The following DNAJB12 variants were observed in gnomAD, a reference collection of about 807,000 sequenced individuals.
DNAJB12 encodes the protein dnaJ homolog subfamily B member 12.
Under a neutral mutation model 40.6 loss-of-function variants are expected in DNAJB12, and 14 were observed. That is an observed-to-expected ratio of 0.34 (90% confidence interval 0.23 to 0.54). The LOEUF (loss-of-function observed/expected upper bound fraction) is 0.54, where lower values mean the gene tolerates loss of function less well. DNAJB12 is among the 20% of genes least tolerant of loss of function. The probability of loss-of-function intolerance (pLI) is 0.92; values close to 1 mark genes in which losing one functional copy is unlikely to be tolerated. For missense variants in DNAJB12, 444 were observed against 501.7 expected (o/e 0.89, Z 1.10); for synonymous variants, 181 against 199.5 (o/e 0.91, Z 0.78).
At chr10:72,337,343 C>T (rs970526377) in intron 6 of DNAJB12, among the ~76,000 whole-genome samples, 1 of 152,238 alleles carries the variant, frequency 6.6e-6, no homozygotes, top group Non-Finnish European at 1.5e-5. Context: ...CCCCTGCTGG[C>T]TGAGAAGGGT....
intron 8 of DNAJB12, 69 bp from the exon 9 acceptor site, chr10:72,334,686 C>T (rs968532404): frequency 6.7e-7 from 1 of 1,491,020 alleles, no homozygotes; most frequent in African/African-American, 1.4e-5. Context: ...TTATGCCACA[C>T]AAGTAGCCCC....
At position 72,354,914 on chromosome 10, in the gene DNAJB12, G is replaced by A. The variant is rs1262715106; in HGVS notation, c.-17C>T. On this transcript the variant is annotated 5_prime_UTR_variant, in exon 1 of 9. Transcript: ENST00000444643. The stretch of plus-strand genomic sequence containing the variant: ...GGATTCCATGGCGGAACCAGAACGC[G>A]GAACCAGGGAGGGGGAGGCCGGGCG... 1 of 1,613,706 alleles carries A rather than the reference G, an allele frequency of 6.2e-7. No individual in the cohort carries two copies. Among genetic ancestry groups the A allele is most frequent in the Admixed American group, 1.7e-5 (1 of 60,000 alleles).
rs969679484 is a variant in DNAJB12, at chr10:72,334,508, G to A, written c.*140C>T. The stretch of plus-strand genomic sequence containing the variant: ...GAGAGAGGGCAGCTGTGCAGCGTTC[G>A]GCCTCCAATTCCATTTTAATTTTGT... On this transcript the variant is annotated 3_prime_UTR_variant, in exon 9 of 9. Coordinates refer to ENST00000444643, the MANE Select transcript of DNAJB12 (RefSeq NM_017626.7). 1.5e-5 allele frequency: 22 copies of A among 1,475,622 alleles called. No individual in the cohort carries two copies. The highest frequency in any genetic ancestry group is 1.7e-5 in the Non-Finnish European group (19 of 1,092,394). The allele number at this position is 1,475,622 out of a possible 1,614,324, so 91.4% of individuals were successfully genotyped here. A position where few individuals can be genotyped will look rare whatever the true frequency, so the allele number is the denominator to read the frequency against.
chr10:72,338,556 C>CA lies in DNAJB12; in HGVS notation c.724-246_724-245insT, dbSNP rs111959499. ...GTCTGCATTTACTTTTGACAGAATG[C>CA]CAAAAAAAAAAAAAAATCAGCAAAA... On this transcript the variant is annotated intron_variant, in intron 5 of 8. Transcript: ENST00000444643. Among the ~76,000 whole-genome samples, 365 of 138,884 alleles carry CA rather than the reference C, an allele frequency of 2.6e-3. 1 individual carries two copies. The highest frequency in any genetic ancestry group is 0.01 in the African/African-American group (339 of 33,192). The allele number at this position is 138,884 out of a possible 152,430, so 91.1% of individuals were successfully genotyped here.
chr10:72,354,821 C>T lies in DNAJB12; in HGVS notation c.77G>A (p.Arg26Gln). The T allele has an allele frequency of 8.7e-6, 14 of 1,613,998 alleles. No homozygotes were observed. The highest frequency in any genetic ancestry group is 1.1e-5 in the Non-Finnish European group (13 of 1,179,902). The stretch of plus-strand genomic sequence containing the variant: ...TGCCTTCTCCAGGAAGCGGAGCGCC[C>T]GGTCGGGCTGGTTGCTCTGGATGGC... ...LKAIQSNQPDRALRFLEKAQR... is the reference protein window; with the variant it reads ...LKAIQSNQPDQALRFLEKAQR... The change falls in exon 1 of 9, where the codon CGG becomes CAG. Residue 26 changes from arginine to glutamine, a missense_variant. By Grantham distance (43) the Arg-to-Gln change is conservative. Coordinates refer to ENST00000444643, the MANE Select transcript of DNAJB12 (RefSeq NM_017626.7).
rs762165455 is a variant in DNAJB12 at position 72,335,980 on chromosome 10, C to T, written c.1007-49G>A. On this transcript the variant is annotated intron_variant, in intron 7 of 8. Transcript: ENST00000444643. This position sits in a 1 kb window ranked among gnomAD's most constrained non-coding sequence, Gnocchi z 4.4. Reference sequence around the variant, plus strand: ...AGTGCACACCCAGTACCTCCCGAAGCCTGCAAGGAAGCCTGCGAGGGCTGT... The same window carrying T: ...AGTGCACACCCAGTACCTCCCGAAGTCTGCAAGGAAGCCTGCGAGGGCTGT... 2 of 1,605,898 alleles carry T rather than the reference C, an allele frequency of 1.2e-6. No individual in the cohort carries two copies. The highest frequency in any genetic ancestry group is 2.2e-5 in the South Asian group (2 of 90,412).
intron 2 of DNAJB12, among the ~76,000 whole-genome samples, chr10:72,344,272 GA>G (rs1861721351): frequency 6.6e-6 from 1 of 152,234 alleles, no homozygotes; most frequent in Non-Finnish European, 1.5e-5. Flanking sequence ...GTGAAGTACA[GA>G]TCTCGCCTAC....
chr10:72,336,839 T>G (rs962190452), intron 6 of DNAJB12, 143 bp from the exon 7 acceptor site: 2 of 621,876 alleles, frequency 3.2e-6, no homozygotes, highest in African/African-American at 3.7e-5. Context: ...ACCCGCACAC[T>G]CCCTGAAAGG....
intron 1 of DNAJB12, among the ~76,000 whole-genome samples, chr10:72,350,589 TAC>T (rs1861911784): frequency 6.6e-6 from 1 of 152,082 alleles, no homozygotes; most frequent in African/African-American, 2.4e-5. Flanking sequence ...CCAGCAAATA[TAC>T]AGTGTTGTCT....
chr10:72,345,746 G>T (rs1465913242), intron 1 of DNAJB12, among the ~76,000 whole-genome samples: 1 of 151,356 alleles, frequency 6.6e-6, no homozygotes. Context: ...AAGACATTTA[G>T]CTGGAGATAG....
intron 6 of DNAJB12, among the ~76,000 whole-genome samples, chr10:72,337,809 G>A (rs148697559): frequency 3.2e-4 from 48 of 152,256 alleles, no homozygotes; most frequent in Non-Finnish European, 6.0e-4. Flanking sequence ...GTTGGCAGGG[G>A]AGATGGGCAG....
Position 72,335,145 on chromosome 10 carries a change from A to C in DNAJB12, c.*31-528T>G. The stretch of plus-strand genomic sequence containing the variant: ...TGTGGCTTCCAGGCTGCCAGGTGTG[A>C]CGGCATTCGAGAGAGTGCCTCAGAT... On this transcript the variant is annotated intron_variant, in intron 8 of 8. Coordinates refer to ENST00000444643, the MANE Select transcript of DNAJB12 (RefSeq NM_017626.7). This position sits in a 1 kb window ranked among gnomAD's most constrained non-coding sequence, Gnocchi z 4.4. The C allele has an allele frequency of 1.0e-6, 1 of 988,424 alleles. No homozygotes were observed. Among genetic ancestry groups the C allele is most frequent in the Non-Finnish European group, 1.2e-6 (1 of 831,474 alleles). The allele number at this position is 988,424 out of a possible 1,614,324, so 61.2% of individuals were successfully genotyped here.
chr10:72,345,078 G>C lies in DNAJB12; in HGVS notation c.183C>G (p.Pro61=). 1 of 1,614,128 alleles carries C rather than the reference G, an allele frequency of 6.2e-7. No homozygotes were observed. The highest frequency in any genetic ancestry group is 8.5e-7 in the Non-Finnish European group (1 of 1,179,998). ...TGGCATGGGTTGTGTCTGTGGGTGG[G>C]GGTTGGTCACCGGCAGTCTGTGGTT... The part of the protein sequence containing the change: ...NQKPQTAGDQ[P]PPTDTTHATH... The change falls in exon 2 of 9, where the codon CCC becomes CCG. Residue 61 remains proline, a synonymous_variant. Coordinates refer to ENST00000444643, the MANE Select transcript of DNAJB12 (RefSeq NM_017626.7).
intron 6 of DNAJB12, 138 bp from the exon 7 acceptor site, chr10:72,336,834 C>CAGATCT: frequency 1.5e-6 from 1 of 663,314 alleles, no homozygotes; most frequent in Non-Finnish European, 2.5e-6. Flanking sequence ...CAGGGACCCG[C>CAGATCT]ACACTCCCTG....
At chr10:72,338,130 G>C in intron 6 of DNAJB12, 72 bp downstream of exon 6, 1 of 1,313,672 alleles carries the variant, frequency 7.6e-7, no homozygotes, top group South Asian at 1.2e-5. Context: ...GGATGGGAAA[G>C]AAGGCCCCTG....
chr10:72,346,970 T>C (rs1423264456), intron 1 of DNAJB12, among the ~76,000 whole-genome samples: 3 of 151,956 alleles, frequency 2.0e-5, no homozygotes, highest in Admixed American at 6.5e-5. Flanking sequence ...GGTTTTTTTT[T>C]TTTTTCTTTT....
chr10:72,346,852 C>T (rs575829375), intron 1 of DNAJB12, among the ~76,000 whole-genome samples: 2 of 152,188 alleles, frequency 1.3e-5, no homozygotes, highest in Non-Finnish European at 1.5e-5. Context: ...CTTATGAATC[C>T]ATTTTTTTCT....
rs191338296 is a variant in DNAJB12 at position 72,341,242 on chromosome 10, G to A, written c.458-72C>T. On this transcript the variant is annotated intron_variant, in intron 3 of 8. Coordinates refer to ENST00000444643, the MANE Select transcript of DNAJB12 (RefSeq NM_017626.7). ...GGGGAGGCTCCCATGGCAGCCGAGT[G>A]CTCACTTTTCTCAGGTACTCAAGCA... 9.0e-6 allele frequency: 13 copies of A among 1,452,238 alleles called. No homozygotes were observed. The Admixed American group carries it at 2.1e-4, about 23-fold the overall frequency. The allele number at this position is 1,452,238 out of a possible 1,614,324, so 90.0% of individuals were successfully genotyped here.
chr10:72,334,946 A>G (rs1861427560), intron 8 of DNAJB12: 1 of 1,183,904 alleles, frequency 8.4e-7, no homozygotes, highest in Non-Finnish European at 1.0e-6. Context: ...AAACGCTGGG[A>G]ACAGAGCCCA....
Sources: allele counts gnomAD v4.1 joint callset (sites outside exome capture counted in the v4.1 genomes callset), GRCh38; gene constraint gnomAD v4.1.1; non-coding constraint Gnocchi (gnomAD v3.1); transcripts MANE v1.5; gene names NCBI Gene and HGNC (gene_info 2026-07-23, HGNC 2026-07-21).